The following GLIPR1L2 variants were observed in gnomAD, a reference collection of about 807,000 sequenced individuals.
The protein encoded by GLIPR1L2 is GLIPR1-like protein 2.
In GLIPR1L2, 21 loss-of-function variants were observed where a neutral mutation model predicts 28.4. The observed-to-expected ratio is 0.74, with a 90% CI of 0.52 to 1.06. GLIPR1L2 has a LOEUF of 1.06. GLIPR1L2 is among the 50% of genes least tolerant of loss of function. The probability of loss-of-function intolerance (pLI) is 0.00; values close to 1 mark genes in which losing one functional copy is unlikely to be tolerated. For synonymous variants in GLIPR1L2, 145 were observed against 139.3 expected, an observed-to-expected ratio of 1.04 and a Z score of -0.29; for missense variants, 476 against 416.9, an observed-to-expected ratio of 1.14 and a Z score of -1.23.
At chr12:75,406,774 AGAGAGAG>A (rs1158761371) in intron 1 of GLIPR1L2, among the ~76,000 whole-genome samples, 7 of 128,886 alleles carry the variant, frequency 5.4e-5, no homozygotes, top group African/African-American at 2.1e-4. Flanking sequence ...AAAAAAAAAA[AGAGAGAG>A]AGAGAGAAAG....
intron 1 of GLIPR1L2, among the ~76,000 whole-genome samples, chr12:75,394,269 A>C (rs904317451): frequency 2.0e-5 from 3 of 152,024 alleles, no homozygotes; most frequent in African/African-American, 7.2e-5. Context: ...AACGTCAATG[A>C]AGTATAATTT....
rs746374902 is a variant in GLIPR1L2, at chr12:75,431,107, AGAGGAG to A, written c.993_998del (p.Glu332_Glu333del). The A allele has an allele frequency of 2.8e-6, 3 of 1,079,080 alleles. No homozygotes were observed. Among genetic ancestry groups the A allele is most frequent in the South Asian group, 1.4e-5 (1 of 74,062 alleles). The allele number at this position is 1,079,080 out of a possible 1,614,324, so 66.8% of individuals were successfully genotyped here. A position where few individuals can be genotyped will look rare whatever the true frequency, so the allele number is the denominator to read the frequency against. The stretch of plus-strand genomic sequence containing the variant: ...AAATGGAGGAGGAAAAAGAAGAGAG[AGAGGAG>A]GAGGAGGAGGAAACACAAAAAGAAA... On this transcript the variant is annotated inframe_deletion, in exon 6 of 6. Coordinates refer to ENST00000550916, the MANE Select transcript of GLIPR1L2 (RefSeq NM_001270396.2).
At chr12:75,427,107 A>G (rs553605468) in intron 4 of GLIPR1L2, among the ~76,000 whole-genome samples, 3 of 152,328 alleles carry the variant, frequency 2.0e-5, no homozygotes, top group African/African-American at 7.2e-5. Flanking sequence ...GAAGAGAGAG[A>G]TAGAAAAAAT....
chr12:75,407,557 A>G (rs1332742877), intron 1 of GLIPR1L2, among the ~76,000 whole-genome samples: 1 of 152,144 alleles, frequency 6.6e-6, no homozygotes, highest in African/African-American at 2.4e-5. Context: ...GATAAATGTC[A>G]GGGAAAATTG....
intron 3 of GLIPR1L2, among the ~76,000 whole-genome samples, chr12:75,420,832 T>C (rs1001071580): frequency 2.0e-5 from 3 of 152,216 alleles, no homozygotes; most frequent in Non-Finnish European, 2.9e-5. Context: ...GGCTGTCTAA[T>C]AGAAATAATG....
rs2046017091 is a variant in GLIPR1L2 at position 75,424,811 on chromosome 12, G to GCTCTTGCTTCACTTGAATCAAGATGCAAA, written c.670+1831_670+1859dup. 2.0e-5 allele frequency among the ~76,000 whole-genome samples: 3 copies of GCTCTTGCTTCACTTGAATCAAGATGCAAA among 152,162 alleles called. No individual in the cohort carries two copies. In the East Asian group the frequency reaches 5.8e-4, roughly 29 times the overall value. Reference sequence around the variant, plus strand: ...GGGATGAATCCACCCTAACATTTCTGCTCTTGCTTCACTTGAATCAAGATG... The same window carrying GCTCTTGCTTCACTTGAATCAAGATGCAAA: ...GGGATGAATCCACCCTAACATTTCTGCTCTTGCTTCACTTGAATCAAGATGCAAACTCTTGCTTCACTTGAATCAAGATG... On this transcript the variant is annotated intron_variant, in intron 4 of 5. Transcript: ENST00000550916.
At chr12:75,425,173 G>T (rs1377641029) in intron 4 of GLIPR1L2, among the ~76,000 whole-genome samples, 1 of 152,126 alleles carries the variant, frequency 6.6e-6, no homozygotes, top group Non-Finnish European at 1.5e-5. Context: ...TCAGTATGTA[G>T]CATCTGTGCC....
At chr12:75,423,100 A>G (rs779884337) in intron 4 of GLIPR1L2, 111 bp downstream of exon 4, 2 of 1,586,132 alleles carry the variant, frequency 1.3e-6, no homozygotes, top group Non-Finnish European at 1.7e-6. Flanking sequence ...CTTTGATCAG[A>G]ATGCTACTAT....
chr12:75,406,259 A>G (rs2045798805), intron 1 of GLIPR1L2, among the ~76,000 whole-genome samples: 1 of 152,120 alleles, frequency 6.6e-6, no homozygotes, highest in Non-Finnish European at 1.5e-5. Context: ...TATTTAGTCA[A>G]CTGTTCAAAA....
At chr12:75,398,573 T>A (rs913972392) in intron 1 of GLIPR1L2, among the ~76,000 whole-genome samples, 1 of 152,176 alleles carries the variant, frequency 6.6e-6, no homozygotes, top group Non-Finnish European at 1.5e-5. Context: ...TTTTCTGAGC[T>A]GTTCTGGGGC....
chr12:75,430,681 A>G (rs921816786), intron 4 of GLIPR1L2, 34 bp from the exon 5 acceptor site: 14 of 1,516,280 alleles, frequency 9.2e-6, no homozygotes, highest in Non-Finnish European at 1.2e-5. Context: ...AAGAAATTTT[A>G]TGTAATTTTT....
intron 4 of GLIPR1L2, among the ~76,000 whole-genome samples, chr12:75,426,117 C>T (rs1216267692): frequency 1.3e-5 from 2 of 151,972 alleles, no homozygotes; most frequent in East Asian, 3.8e-4. Context: ...AATAAAATTA[C>T]TTGAATCTTA....
intron 1 of GLIPR1L2, among the ~76,000 whole-genome samples, chr12:75,405,512 T>C (rs576405896): frequency 2.2e-4 from 34 of 152,256 alleles, no homozygotes; most frequent in African/African-American, 7.2e-4. Flanking sequence ...GAGGTAACAA[T>C]TGGTCAGCTG....
At chr12:75,417,020 G>T (rs561009521) in intron 3 of GLIPR1L2, among the ~76,000 whole-genome samples, 1 of 152,172 alleles carries the variant, frequency 6.6e-6, no homozygotes, top group East Asian at 1.9e-4. Flanking sequence ...AAATTAAAAG[G>T]TATAGTGGGA....
At chr12:75,421,092 T>A (rs146357594) in intron 3 of GLIPR1L2, among the ~76,000 whole-genome samples, 5 of 152,280 alleles carry the variant, frequency 3.3e-5, no homozygotes, top group African/African-American at 1.2e-4. Context: ...TCCCCCATCC[T>A]TGGGACCTTA....
rs138678796 is a variant in GLIPR1L2 at position 75,419,151 on chromosome 12, A to G, written c.585-3753A>G. On this transcript the variant is annotated intron_variant, in intron 3 of 5. Transcript: ENST00000550916. ...GTTCTGCACATGTACCCGAGAATTTAAAGTATAATTTTAAAAATTAAATGA... is the reference window on the plus strand; with the variant it reads ...GTTCTGCACATGTACCCGAGAATTTGAAGTATAATTTTAAAAATTAAATGA... Among the ~76,000 whole-genome samples, 21 of 152,348 alleles carry G rather than the reference A, an allele frequency of 1.4e-4. No homozygotes were observed. The East Asian group carries it at 2.9e-3, about 21-fold the overall frequency.
intron 2 of GLIPR1L2, among the ~76,000 whole-genome samples, chr12:75,412,409 C>T (rs1214558536): frequency 6.6e-6 from 1 of 151,976 alleles, no homozygotes; most frequent in Non-Finnish European, 1.5e-5. Context: ...GAACAGGCAA[C>T]CTACAAAATG....
chr12:75,430,666 CAAA>C, intron 4 of GLIPR1L2, 46 bp from the exon 5 acceptor site: 1 of 1,480,446 alleles, frequency 6.8e-7, no homozygotes, highest in South Asian at 1.3e-5. Context: ...ATTTTTTAGA[CAAA>C]GAAGAAATTT....
At chr12:75,412,144 T>C (rs1230322977) in intron 2 of GLIPR1L2, among the ~76,000 whole-genome samples, 1 of 152,038 alleles carries the variant, frequency 6.6e-6, no homozygotes, top group Non-Finnish European at 1.5e-5. Flanking sequence ...TCTCTCTTTT[T>C]CTCCCTTTTT....
Sources: gnomAD v4.1 joint callset for allele counts (sites outside exome capture counted in the v4.1 genomes callset) on GRCh38, gnomAD v4.1.1 for gene constraint, MANE v1.5 for transcripts, NCBI Gene and HGNC (gene_info 2026-07-23, HGNC 2026-07-21) for gene names.